Variants in CSMD1 observed in about 807,000 individuals in gnomAD.
The protein encoded by CSMD1 is CUB and Sushi multiple domains 1.
Under a neutral mutation model 417.5 loss-of-function variants are expected in CSMD1, and 213 were observed. That is an observed-to-expected ratio of 0.51 (90% CI 0.46 to 0.57). The LOEUF is 0.57. CSMD1 is among the 20% of genes least tolerant of loss of function. The probability of loss-of-function intolerance (pLI) is 0.00; values close to 1 mark genes in which losing one functional copy is unlikely to be tolerated. For synonymous variants in CSMD1, 2,862 were observed against 1,736.8 expected (o/e 1.65, Z -16.11); for missense variants, 6,923 against 4,529.7 (o/e 1.53, Z -15.17).
intron 12 of CSMD1, among the ~76,000 whole-genome samples, chr8:3,447,580 C>G (rs1402544097): frequency 6.6e-6 from 1 of 152,128 alleles, no homozygotes; most frequent in East Asian, 1.9e-4. Context: ...CAGGAAGGGT[C>G]AGAGGTTCCG....
At chr8:3,153,918 G>C (rs1819355515) in intron 39 of CSMD1, among the ~76,000 whole-genome samples, 1 of 152,170 alleles carries the variant, frequency 6.6e-6, no homozygotes, top group Admixed American at 6.5e-5. Flanking sequence ...CAAGTCAATA[G>C]ATAAGCGTAA....
At chr8:3,586,743 G>C (rs943511464) in intron 8 of CSMD1, among the ~76,000 whole-genome samples, 5 of 152,144 alleles carry the variant, frequency 3.3e-5, no homozygotes, top group Non-Finnish European at 7.3e-5. Flanking sequence ...TTAAAAGAAA[G>C]CTAGTGATAT....
At chr8:3,443,199 A>C (rs901423833) in intron 12 of CSMD1, among the ~76,000 whole-genome samples, 1 of 152,204 alleles carries the variant, frequency 6.6e-6, no homozygotes, top group Admixed American at 6.5e-5. Flanking sequence ...ATACACGCAC[A>C]AGGCTATTCA....
At chr8:4,157,657 G>C (rs189563744) in intron 3 of CSMD1, among the ~76,000 whole-genome samples, 1 of 152,192 alleles carries the variant, frequency 6.6e-6, no homozygotes, top group African/African-American at 2.4e-5. Flanking sequence ...CTGTTATCTG[G>C]GCATGGGGTG....
In CSMD1 at chr8:3,110,343, G is replaced by A. The variant is rs748608771; in HGVS notation, c.6431-8C>T. ...CGTTGTACCCACAAGGGGCTGCAAA[G>A]GAAACCAAGAAAAAACAAGCGCCAT... On this transcript the variant is annotated splice_polypyrimidine_tract_variant and splice_region_variant and intron_variant, in intron 42 of 69. Transcript: ENST00000635120. 3.8e-6 allele frequency: 6 copies of A among 1,586,612 alleles called. No individual in the cohort carries two copies. Among genetic ancestry groups the A allele is most frequent in the Non-Finnish European group, 8.6e-7 (1 of 1,167,354 alleles).
intron 5 of CSMD1, among the ~76,000 whole-genome samples, chr8:3,767,613 A>C (rs1798348694): frequency 6.6e-6 from 1 of 152,062 alleles, no homozygotes; most frequent in Non-Finnish European, 1.5e-5. Context: ...ACTATGTTTT[A>C]TATCCACTTG....
At chr8:3,523,682 C>A (rs1563119804) in intron 10 of CSMD1, among the ~76,000 whole-genome samples, 2 of 151,624 alleles carry the variant, frequency 1.3e-5, no homozygotes, top group African/African-American at 2.4e-5. Context: ...CACGTACACC[C>A]AGAGAGACAT....
chr8:4,031,342 G>A (rs909555548), intron 4 of CSMD1, among the ~76,000 whole-genome samples: 2 of 152,218 alleles, frequency 1.3e-5, no homozygotes, highest in Non-Finnish European at 2.9e-5. Context: ...CATAGCAGAA[G>A]GCAAGGAGGA....
At chr8:3,448,534 T>C (rs1176630245) in intron 12 of CSMD1, among the ~76,000 whole-genome samples, 1 of 151,864 alleles carries the variant, frequency 6.6e-6, no homozygotes, top group Non-Finnish European at 1.5e-5. Context: ...TGTGGGTTTA[T>C]TAATGAAGGT....
intron 58 of CSMD1, 144 bp from the exon 59 acceptor site, chr8:2,966,098 G>T: frequency 1.4e-6 from 1 of 696,564 alleles, no homozygotes; most frequent in Non-Finnish European, 2.4e-6. Context: ...TACCCTCTGT[G>T]TGATGATTTC....
chr8:3,647,989 G>C (rs529115192), intron 7 of CSMD1, among the ~76,000 whole-genome samples: 4 of 152,192 alleles, frequency 2.6e-5, no homozygotes, highest in African/African-American at 9.7e-5. Context: ...AGGATTTTTC[G>C]AGGAGGCAGA....
intron 5 of CSMD1, among the ~76,000 whole-genome samples, chr8:3,818,305 G>A (rs1238360859): frequency 6.6e-6 from 1 of 152,102 alleles, no homozygotes; most frequent in Non-Finnish European, 1.5e-5. Flanking sequence ...TGGGAGAGAA[G>A]AACATACACA....
At chr8:4,465,341 G>C (rs201668341) in intron 2 of CSMD1, among the ~76,000 whole-genome samples, 78 of 152,234 alleles carry the variant, frequency 5.1e-4, no homozygotes, top group African/African-American at 1.9e-3. Flanking sequence ...CTTGCAAAAA[G>C]TGTACATCAG....
At chr8:4,274,307 C>G (rs1003788876) in intron 3 of CSMD1, among the ~76,000 whole-genome samples, 1 of 152,138 alleles carries the variant, frequency 6.6e-6, no homozygotes, top group African/African-American at 2.4e-5. Context: ...TATCACCCAA[C>G]TGGCATACGT....
intron 2 of CSMD1, among the ~76,000 whole-genome samples, chr8:4,442,960 C>T (rs1375524695): frequency 6.6e-6 from 1 of 152,118 alleles, no homozygotes; most frequent in Non-Finnish European, 1.5e-5. Context: ...TACAGCACCA[C>T]AGGTATCTCC....
chr8:3,290,074 T>C (rs2117270811), intron 25 of CSMD1, among the ~76,000 whole-genome samples: 1 of 147,362 alleles, frequency 6.8e-6, no homozygotes, highest in East Asian at 2.0e-4. Flanking sequence ...CACCATTTAT[T>C]AAATAGGGAA....
chr8:3,760,163 C>T (rs887312147), intron 5 of CSMD1, among the ~76,000 whole-genome samples: 3 of 152,036 alleles, frequency 2.0e-5, no homozygotes, highest in African/African-American at 7.2e-5. Context: ...TTTTGACATG[C>T]CCTATTTCTG....
At chr8:3,785,815 G>A (rs750103360) in intron 5 of CSMD1, among the ~76,000 whole-genome samples, 15 of 152,162 alleles carry the variant, frequency 9.9e-5, no homozygotes, top group Non-Finnish European at 1.9e-4. Flanking sequence ...GAGCTATGTT[G>A]AAGAGCTTCT....
At chr8:3,888,883 A>C (rs944388863) in intron 5 of CSMD1, among the ~76,000 whole-genome samples, 1 of 152,224 alleles carries the variant, frequency 6.6e-6, no homozygotes, top group African/African-American at 2.4e-5. Context: ...CTTCAATATC[A>C]ATGATGATTT....
Sources: allele counts gnomAD v4.1 joint callset (sites outside exome capture counted in the v4.1 genomes callset), GRCh38; gene constraint gnomAD v4.1.1; transcripts MANE v1.5; gene names NCBI Gene and HGNC (gene_info 2026-07-23, HGNC 2026-07-21).